The following PPARGC1A variants were observed in gnomAD, a reference collection of about 807,000 sequenced individuals.
PPARGC1A encodes the protein peroxisome proliferator-activated receptor gamma coactivator 1-alpha.
A neutral mutation model predicts 88.7 loss-of-function variants in PPARGC1A; 25 were observed. The ratio of observed to expected loss-of-function variants is 0.28; its 90% CI spans 0.21 to 0.39. PPARGC1A has a LOEUF of 0.39. PPARGC1A is among the 10% of genes least tolerant of loss of function. The probability of loss-of-function intolerance (pLI) is 1.00; values close to 1 mark genes in which losing one functional copy is unlikely to be tolerated. For missense variants in PPARGC1A, 880 were observed against 968.7 expected, an observed-to-expected ratio of 0.91 and a Z score of 1.22; for synonymous variants, 363 against 355.6, an observed-to-expected ratio of 1.02 and a Z score of -0.24.
At chr4:24,078,487 C>T in the PPARGC1A span, among the ~76,000 whole-genome samples, 5 of 152,178 alleles carry the variant, frequency 3.3e-5, no homozygotes, top group East Asian at 9.6e-4. Flanking sequence ...CTAACTGTCC[C>T]CTAGTCCAGA....
At chr4:24,205,993 A>C in the PPARGC1A span, among the ~76,000 whole-genome samples, 2 of 152,232 alleles carry the variant, frequency 1.3e-5, no homozygotes, top group Admixed American at 6.5e-5. Flanking sequence ...AGTCCAGCCA[A>C]GATCCTTTTC....
At chr4:24,291,656 CCTG>C in the PPARGC1A span, among the ~76,000 whole-genome samples, 2 of 152,220 alleles carry the variant, frequency 1.3e-5, no homozygotes, top group African/African-American at 4.8e-5. Context: ...CATCCGAAGT[CCTG>C]CTGATCCCGA....
chr4:24,122,712 T>C, the PPARGC1A span, among the ~76,000 whole-genome samples: 1 of 152,062 alleles, frequency 6.6e-6, no homozygotes, highest in East Asian at 1.9e-4. Flanking sequence ...GTAAGAATTC[T>C]GAAAAGGAAG....
the PPARGC1A span, among the ~76,000 whole-genome samples, chr4:24,369,779 G>T: frequency 6.6e-6 from 1 of 152,180 alleles, no homozygotes. Context: ...CAACACATTT[G>T]ACTAAGTCAC....
chr4:24,059,096 T>C, the PPARGC1A span, among the ~76,000 whole-genome samples: 1 of 152,292 alleles, frequency 6.6e-6, no homozygotes, highest in East Asian at 1.9e-4. Flanking sequence ...CAAGCGCATT[T>C]CCGTGTTTAT....
the PPARGC1A span, among the ~76,000 whole-genome samples, chr4:24,436,448 G>A: frequency 8.6e-5 from 13 of 150,646 alleles, no homozygotes; most frequent in South Asian, 2.1e-4. Context: ...AGCTGACATC[G>A]ATTGGCCATC....
the PPARGC1A span, among the ~76,000 whole-genome samples, chr4:24,241,209 C>A: frequency 1.3e-5 from 2 of 151,046 alleles, no homozygotes; most frequent in Admixed American, 1.3e-4. Context: ...CACTCTTTTA[C>A]AAAATATCAC....
At chr4:23,892,182 T>C (rs529823537), upstream of PPARGC1A, among the ~76,000 whole-genome samples, 387 of 152,296 alleles carry the variant, frequency 2.5e-3, 1 homozygote, top group Non-Finnish European at 4.1e-3. Context: ...CCAGATTGTA[T>C]TGTTAGGGTT....
chr4:24,110,334 G>A, the PPARGC1A span, among the ~76,000 whole-genome samples: 335 of 152,286 alleles, frequency 2.2e-3, no homozygotes, highest in Admixed American at 7.3e-3. Context: ...TCAACCCGTG[G>A]TTTTTAGGAT....
At position 23,813,922 on chromosome 4, in the gene PPARGC1A, G is replaced by A; in HGVS notation, c.1561C>T (p.Leu521=). 1 of 1,613,978 alleles carries A rather than the reference G, an allele frequency of 6.2e-7. No individual in the cohort carries two copies. The highest frequency in any genetic ancestry group is 1.1e-5 in the South Asian group (1 of 91,052). ...TGCGTGCCATCCCAAGGGTAGCTCA[G>A]TTTATCACTTTCATCTTCGCTGTCA... ...FDDSEDESDK[L]SYPWDGTQSY... The change falls in exon 8 of 13, where the codon CTG becomes TTG. Residue 521 remains leucine, a synonymous_variant. Transcript: ENST00000264867.
At chr4:24,137,201 A>T in the PPARGC1A span, among the ~76,000 whole-genome samples, 5 of 151,848 alleles carry the variant, frequency 3.3e-5, no homozygotes, top group African/African-American at 1.2e-4. Context: ...TTATAAGGAG[A>T]GATTAGGACA....
chr4:24,039,528 C>T, the PPARGC1A span, among the ~76,000 whole-genome samples: 1 of 151,974 alleles, frequency 6.6e-6, no homozygotes, highest in Non-Finnish European at 1.5e-5. Context: ...GGAAATGGAG[C>T]CCAAAGATCA....
chr4:23,976,062 G>A, the PPARGC1A span, among the ~76,000 whole-genome samples: 1 of 152,270 alleles, frequency 6.6e-6, no homozygotes, highest in South Asian at 2.1e-4. Context: ...CCAGCTATTG[G>A]AGTTTGAAAT....
chr4:23,873,326 G>T (rs1243752590), intron 2 of PPARGC1A, among the ~76,000 whole-genome samples: 1 of 152,224 alleles, frequency 6.6e-6, no homozygotes, highest in East Asian at 1.9e-4. Flanking sequence ...TAGAGAAACT[G>T]AAGTACTATC....
At chr4:24,257,132 T>A in the PPARGC1A span, among the ~76,000 whole-genome samples, 3 of 152,166 alleles carry the variant, frequency 2.0e-5, no homozygotes, top group East Asian at 1.9e-4. Flanking sequence ...TATGTTTAAC[T>A]TGAGAAGGAA....
At chr4:23,806,523 A>G (rs1719839707) in intron 10 of PPARGC1A, among the ~76,000 whole-genome samples, 1 of 152,224 alleles carries the variant, frequency 6.6e-6, no homozygotes, top group South Asian at 2.1e-4. Flanking sequence ...CTTTGGAAAC[A>G]GCTCCTCGAA....
At position 23,814,075 on chromosome 4, in the gene PPARGC1A, T is replaced by A; in HGVS notation, c.1408A>T (p.Ser470Cys). 1 of 1,614,068 alleles carries A rather than the reference T, an allele frequency of 6.2e-7. No individual in the cohort carries two copies. The highest frequency in any genetic ancestry group is 8.5e-7 in the Non-Finnish European group (1 of 1,179,966). ...AELNKHFGHPSQAVFDDEADK... is the reference protein window; with the variant it reads ...AELNKHFGHPCQAVFDDEADK... ...GCTTCGTCGTCAAAAACAGCTTGAC[T>A]GGGATGACCGAAGTGCTTGTTCAGC... Residue 470 changes from serine (S) to cysteine (C), a missense_variant, in exon 8 of 13, where the codon AGT becomes TGT. By Grantham distance (112) the Ser-to-Cys change is moderately radical (BLOSUM62 -1). Coordinates refer to ENST00000264867, the MANE Select transcript of PPARGC1A (RefSeq NM_013261.5).
At chr4:23,999,956 G>A in the PPARGC1A span, among the ~76,000 whole-genome samples, 10 of 152,216 alleles carry the variant, frequency 6.6e-5, no homozygotes, top group East Asian at 1.9e-3. Context: ...AGGGAGGGTC[G>A]AGTTGATGAG....
the PPARGC1A span, among the ~76,000 whole-genome samples, chr4:24,415,756 A>G: frequency 1.3e-5 from 2 of 152,232 alleles, no homozygotes; most frequent in Admixed American, 6.5e-5. Flanking sequence ...ATTTTGCTGT[A>G]TACTGCAAAT....
Sources: allele counts gnomAD v4.1 joint callset (sites outside exome capture counted in the v4.1 genomes callset), GRCh38; gene constraint gnomAD v4.1.1; transcripts MANE v1.5; gene names NCBI Gene and HGNC (gene_info 2026-07-23, HGNC 2026-07-21).